The following FBXW11 variants were observed in gnomAD, a reference collection of about 807,000 sequenced individuals.
FBXW11 encodes the protein F-box/WD repeat-containing protein 11.
A neutral mutation model predicts 77.6 loss-of-function variants in FBXW11; 19 were observed. The ratio of observed to expected loss-of-function variants is 0.24; its 90% CI spans 0.17 to 0.36. The LOEUF (loss-of-function observed/expected upper bound fraction) is 0.36, where lower values mean the gene tolerates loss of function less well. FBXW11 is among the 10% of genes least tolerant of loss of function. The pLI is 1.00. For missense variants in FBXW11, 334 were observed against 704.2 expected, an observed-to-expected ratio of 0.47 and a Z score of 5.95; for synonymous variants, 235 against 249.4, an observed-to-expected ratio of 0.94 and a Z score of 0.54.
At chr5:171,893,433 A>AAAAAAAAC (rs1561656883) in intron 6 of FBXW11, among the ~76,000 whole-genome samples, 3 of 146,492 alleles carry the variant, frequency 2.0e-5, no homozygotes, top group African/African-American at 7.5e-5. Context: ...AAAAAAAAAA[A>AAAAAAAAC]AAAAAAAAAA....
chr5:171,867,819 C>T (rs2113742356), intron 13 of FBXW11: 1 of 152,252 alleles, frequency 6.6e-6, no homozygotes, highest in East Asian at 1.9e-4. Flanking sequence ...TCTTTATATA[C>T]ATATATCCAT....
At chr5:171,938,965 G>A (rs1762612150) in intron 2 of FBXW11, among the ~76,000 whole-genome samples, 1 of 152,212 alleles carries the variant, frequency 6.6e-6, no homozygotes, top group Non-Finnish European at 1.5e-5. Flanking sequence ...GCCAGGCGCA[G>A]TGGCTCACAC....
At chr5:171,999,440 C>G (rs2113606492) in intron 1 of FBXW11, among the ~76,000 whole-genome samples, 1 of 151,740 alleles carries the variant, frequency 6.6e-6, no homozygotes, top group South Asian at 2.1e-4. Context: ...TTTCTTCAAT[C>G]CCTAATTGTA....
At chr5:171,939,457 G>A (rs954545388) in intron 2 of FBXW11, among the ~76,000 whole-genome samples, 48 of 152,178 alleles carry the variant, frequency 3.2e-4, no homozygotes, top group African/African-American at 1.1e-3. Context: ...AGCACTTTGG[G>A]AAGCCAAGGC....
intron 2 of FBXW11, among the ~76,000 whole-genome samples, chr5:171,924,650 A>G (rs575985412): frequency 2.6e-5 from 4 of 152,228 alleles, no homozygotes; most frequent in Non-Finnish European, 5.9e-5. Flanking sequence ...GGTGCCAGGC[A>G]GCAGCCCCGC....
rs1764780894 is a variant in FBXW11 at position 171,975,493 on chromosome 5, G to C, written c.46-17795C>G. On this transcript the variant is annotated intron_variant, in intron 1 of 13. Transcript: ENST00000517395. ...AGAGGTGGGGCCTCTAGAACAATCA[G>C]AAGAGTTTTTCTTACCCCATGCTGG... Among the ~76,000 whole-genome samples the C allele has an allele frequency of 2.6e-5, 4 of 152,170 alleles. No homozygotes were observed. In the South Asian group the frequency reaches 8.3e-4, roughly 31 times the overall value.
At chr5:171,881,972 A>G (rs1466027514) in intron 7 of FBXW11, among the ~76,000 whole-genome samples, 1 of 152,134 alleles carries the variant, frequency 6.6e-6, no homozygotes, top group Non-Finnish European at 1.5e-5. Context: ...CTATGTTAGC[A>G]TAGCTAACGT....
intron 2 of FBXW11, among the ~76,000 whole-genome samples, chr5:171,929,494 T>C (rs550659871): frequency 2.0e-5 from 3 of 151,998 alleles, no homozygotes; most frequent in African/African-American, 7.2e-5. Flanking sequence ...AAAACATAAA[T>C]AACAAAAAGA....
intron 4 of FBXW11, among the ~76,000 whole-genome samples, chr5:171,905,254 T>C (rs1760399658): frequency 6.6e-6 from 1 of 152,210 alleles, no homozygotes; most frequent in Admixed American, 6.5e-5. Context: ...GCAGATCAGT[T>C]TTCCTTTTAG....
intron 2 of FBXW11, among the ~76,000 whole-genome samples, chr5:171,942,053 C>T (rs1762780722): frequency 6.6e-6 from 1 of 151,366 alleles, no homozygotes; most frequent in African/African-American, 2.4e-5. Flanking sequence ...TAGTCTCAAG[C>T]TTATAGAAAA....
chr5:171,954,242 C>T (rs537748634), intron 2 of FBXW11, among the ~76,000 whole-genome samples: 1 of 152,330 alleles, frequency 6.6e-6, no homozygotes, highest in South Asian at 2.1e-4. Context: ...GTTGTCACTA[C>T]AGACTGGTGA....
At chr5:171,967,881 T>C (rs368755274) in intron 1 of FBXW11, among the ~76,000 whole-genome samples, 2,076 of 64,818 alleles carry the variant, frequency 0.032, 24 homozygotes, top group East Asian at 0.047. Flanking sequence ...TATATATATA[T>C]ATACACACAC....
In FBXW11 at chr5:171,869,620, G is replaced by C; in HGVS notation, c.1530+109C>G. ...AAATGAAGACTGAAATTCTCTGAAG[G>C]CATCTTGTGAGACACACAAGCGTTC... On this transcript the variant is annotated intron_variant, in intron 12 of 13. Transcript: ENST00000517395. The surrounding 1 kb of genome is among the most constrained non-coding windows in gnomAD (Gnocchi z 4.1). 1 of 670,628 alleles carries C rather than the reference G, an allele frequency of 1.5e-6. No individual in the cohort carries two copies. The highest frequency in any genetic ancestry group is 2.4e-6 in the Non-Finnish European group (1 of 424,058). The allele number at this position is 670,628 out of a possible 1,614,324, so 41.5% of individuals were successfully genotyped here.
At chr5:171,925,611 G>C (rs1442424660) in intron 2 of FBXW11, among the ~76,000 whole-genome samples, 1 of 152,178 alleles carries the variant, frequency 6.6e-6, no homozygotes, top group Non-Finnish European at 1.5e-5. Context: ...CTCCCAAGTA[G>C]CTGGGACCAC....
At chr5:171,932,414 G>A (rs1361855239) in intron 2 of FBXW11, among the ~76,000 whole-genome samples, 1 of 152,086 alleles carries the variant, frequency 6.6e-6, no homozygotes, top group Admixed American at 6.6e-5. Flanking sequence ...AGAAGATGTG[G>A]AGCTATAGGA....
Position 172,006,510 on chromosome 5 carries a change from C to A in FBXW11, c.-8G>T. On this transcript the variant is annotated 5_prime_UTR_variant, in exon 1 of 14. Coordinates refer to ENST00000517395, the MANE Select transcript of FBXW11 (RefSeq NM_001378974.1). ...CACCGAGTCGGGCTCCATGGCGGCC[C>A]CGGCGGCCCCGCCTCGCTCTCCCCG... The A allele has an allele frequency of 6.6e-7, 1 of 1,506,882 alleles. No individual in the cohort carries two copies. Among genetic ancestry groups the A allele is most frequent in the Non-Finnish European group, 8.9e-7 (1 of 1,126,550 alleles). The allele number at this position is 1,506,882 out of a possible 1,614,324, so 93.3% of individuals were successfully genotyped here.
chr5:171,954,619 G>C (rs1195358677), intron 2 of FBXW11, among the ~76,000 whole-genome samples: 1 of 152,166 alleles, frequency 6.6e-6, no homozygotes. Flanking sequence ...GCTTGGTTGA[G>C]AGATAACCAA....
intron 1 of FBXW11, among the ~76,000 whole-genome samples, chr5:171,972,638 G>C (rs1764602633): frequency 6.6e-6 from 1 of 150,528 alleles, no homozygotes; most frequent in South Asian, 2.1e-4. Context: ...TCCGCTTCCT[G>C]GCTTCAAGTG....
chr5:171,941,966 G>A (rs1386499594), intron 2 of FBXW11, among the ~76,000 whole-genome samples: 2 of 150,894 alleles, frequency 1.3e-5, no homozygotes, highest in Non-Finnish European at 3.0e-5. Context: ...CTGGGGATAT[G>A]AGCTCATAGT....
Sources: allele counts gnomAD v4.1 joint callset (sites outside exome capture counted in the v4.1 genomes callset), GRCh38; gene constraint gnomAD v4.1.1; non-coding constraint Gnocchi (gnomAD v3.1); transcripts MANE v1.5; gene names NCBI Gene and HGNC (gene_info 2026-07-23, HGNC 2026-07-21).